The following ADAMTS14 variants were observed in gnomAD, a reference collection of about 807,000 sequenced individuals.
The protein encoded by ADAMTS14 is A disintegrin and metalloproteinase with thrombospondin motifs 14.
Under a neutral mutation model 128.6 loss-of-function variants are expected in ADAMTS14, and 100 were observed. The observed-to-expected ratio is 0.78, with a 90% CI of 0.66 to 0.92. The LOEUF (loss-of-function observed/expected upper bound fraction) is 0.92, where lower values mean the gene tolerates loss of function less well. Among genes scored for constraint, ADAMTS14 ranks in the 40% least tolerant of loss-of-function variants. The pLI, the probability that ADAMTS14 is intolerant of heterozygous loss-of-function variation, is 0.00. For missense variants in ADAMTS14, 1,562 were observed against 1,658.6 expected (o/e 0.94, Z 1.01); for synonymous variants, 665 against 653.8 (o/e 1.02, Z -0.26).
At chr10:70,744,868 A>G (rs1173157702) in intron 14 of ADAMTS14, among the ~76,000 whole-genome samples, 1 of 151,968 alleles carries the variant, frequency 6.6e-6, no homozygotes, top group Non-Finnish European at 1.5e-5. Flanking sequence ...AAATCCCATC[A>G]GTAGCAAGTA....
Position 70,719,367 on chromosome 10 carries a change from TACACACACACACACACACAC to T in ADAMTS14, c.871-9900_871-9881del, listed in dbSNP as rs61607600. 9.1e-5 allele frequency among the ~76,000 whole-genome samples: 13 copies of T among 142,220 alleles called. No homozygotes were observed. The East Asian group carries it at 1.5e-3, about 17-fold the overall frequency. 93.3% of individuals were successfully genotyped at this position (142,220 alleles called of 152,430 possible). A position where few individuals can be genotyped will look rare whatever the true frequency, so the allele number is the denominator to read the frequency against. On this transcript the variant is annotated intron_variant, in intron 4 of 21. Coordinates refer to ENST00000373207, the MANE Select transcript of ADAMTS14 (RefSeq NM_080722.4). ...CGTGGACAGCATCTCACTCCACAAA[TACACACACACACACACACAC>T]ACACACACACACACACACACACACA...
At chr10:70,743,502 TTC>T in intron 12 of ADAMTS14, 44 bp from the exon 13 acceptor site, 1 of 1,594,420 alleles carries the variant, frequency 6.3e-7, no homozygotes, top group African/African-American at 1.3e-5. Context: ...CTGGGCCACT[TTC>T]TCTGAGCCCA....
rs201630466 is a variant in ADAMTS14 at position 70,741,121 on chromosome 10, A to G, written c.1883A>G (p.Gln628Arg). ...AAGCGCAACTCCTACTATGTGCACCAGAATGCCAAGCACAGCTGGGTGCCC... is the reference window on the plus strand; with the variant it reads ...AAGCGCAACTCCTACTATGTGCACCGGAATGCCAAGCACAGCTGGGTGCCC... ...CAKRNSYYVH[Q>R]NAKHSWVPYE... is the part of the protein sequence containing the mutation. The change falls in exon 12 of 22, where the codon CAG becomes CGG. Residue 628 changes from glutamine (Q) to arginine (R), a missense_variant. Transcript: ENST00000373207. 6.2e-7 allele frequency: 1 copy of G among 1,613,796 alleles called. No homozygotes were observed. Among genetic ancestry groups the G allele is most frequent in the South Asian group, 1.1e-5 (1 of 91,080 alleles).
intron 2 of ADAMTS14, among the ~76,000 whole-genome samples, 170 bp downstream of exon 2, chr10:70,675,165 A>G (rs548297532): frequency 6.6e-6 from 1 of 152,182 alleles, no homozygotes; most frequent in African/African-American, 2.4e-5. Flanking sequence ...ATGCGCTGCC[A>G]GGTGTGAAGT....
At chr10:70,760,281 G>C in intron 21 of ADAMTS14, 79 bp from the exon 22 acceptor site, 1 of 1,494,756 alleles carries the variant, frequency 6.7e-7, no homozygotes, top group Non-Finnish European at 8.9e-7. Context: ...GCAGTCAGTG[G>C]GTAAGTGGGA....
chr10:70,704,912 G>A (rs941199880), intron 3 of ADAMTS14, among the ~76,000 whole-genome samples: 47 of 151,396 alleles, frequency 3.1e-4, no homozygotes, highest in African/African-American at 1.0e-3. Flanking sequence ...ATACCCACCC[G>A]CACTCACACA....
intron 2 of ADAMTS14, among the ~76,000 whole-genome samples, chr10:70,675,735 G>A (rs1453047404): frequency 6.6e-6 from 1 of 152,120 alleles, no homozygotes; most frequent in Admixed American, 6.5e-5. Flanking sequence ...TGTCTTTCTC[G>A]CCCCCACCTG....
intron 2 of ADAMTS14, among the ~76,000 whole-genome samples, chr10:70,687,259 G>A (rs1256036206): frequency 5.6e-5 from 6 of 107,404 alleles, no homozygotes; most frequent in Non-Finnish European, 1.0e-4. Context: ...CCTCCCTCCC[G>A]GACGAGGCGG....
chr10:70,743,535 C>G lies in ADAMTS14; in HGVS notation c.1925-13C>G, dbSNP rs1842069065. On this transcript the variant is annotated splice_polypyrimidine_tract_variant and intron_variant, in intron 12 of 21. Coordinates refer to ENST00000373207, the MANE Select transcript of ADAMTS14 (RefSeq NM_080722.4). ...GCCCAGCTGGGGACTCAGCATAGTCCCTCTCCCTACAGACGCCCAGAAGTG... is the reference window on the plus strand; with the variant it reads ...GCCCAGCTGGGGACTCAGCATAGTCGCTCTCCCTACAGACGCCCAGAAGTG... 1.9e-6 allele frequency: 3 copies of G among 1,610,632 alleles called. No homozygotes were observed. Among genetic ancestry groups the G allele is most frequent in the Non-Finnish European group, 2.5e-6 (3 of 1,178,990 alleles).
chr10:70,755,353 C>T (rs867169425), intron 19 of ADAMTS14, among the ~76,000 whole-genome samples: 46 of 151,576 alleles, frequency 3.0e-4, no homozygotes, highest in Non-Finnish European at 1.0e-4. Flanking sequence ...GCCAGACATC[C>T]AGACATGTAA....
chr10:70,715,951 G>A (rs563230515), intron 4 of ADAMTS14, among the ~76,000 whole-genome samples: 10 of 152,318 alleles, frequency 6.6e-5, no homozygotes, highest in South Asian at 2.1e-4. Flanking sequence ...GGACTTTACT[G>A]TTGGAGGAAG....
chr10:70,681,685 G>A (rs1376308407), intron 2 of ADAMTS14, among the ~76,000 whole-genome samples: 2 of 152,200 alleles, frequency 1.3e-5, no homozygotes, highest in Non-Finnish European at 2.9e-5. Flanking sequence ...TGGGCGCCCT[G>A]GGAAGCTGCG....
Position 70,706,897 on chromosome 10 carries a change from G to A in ADAMTS14, c.680-1691G>A, listed in dbSNP as rs189162717. ...CTCGGGTCTCTGCAGAGGTTCCCAT[G>A]GATGCATCCATGTGCATCACCCACG... On this transcript the variant is annotated intron_variant, in intron 3 of 21. Transcript: ENST00000373207. Among the ~76,000 whole-genome samples the A allele has an allele frequency of 1.1e-3, 163 of 152,340 alleles. 2 individuals are homozygous for A. The highest frequency in any genetic ancestry group is 3.8e-3 in the African/African-American group (157 of 41,578).
chr10:70,716,401 G>A (rs1841045164), intron 4 of ADAMTS14, among the ~76,000 whole-genome samples: 1 of 152,220 alleles, frequency 6.6e-6, no homozygotes, highest in South Asian at 2.1e-4. Context: ...CCATGACCTT[G>A]CAGACCTGCT....
intron 5 of ADAMTS14, among the ~76,000 whole-genome samples, 153 bp from the exon 6 acceptor site, chr10:70,729,949 C>A (rs1362451359): frequency 6.6e-6 from 1 of 152,214 alleles, no homozygotes; most frequent in Admixed American, 6.5e-5. Flanking sequence ...TGTGTGCCAG[C>A]AGCAGTTGAG....
intron 4 of ADAMTS14, among the ~76,000 whole-genome samples, chr10:70,726,196 C>T (rs1402101080): frequency 1.3e-5 from 2 of 152,238 alleles, no homozygotes; most frequent in African/African-American, 2.4e-5. Flanking sequence ...CCTGCTCAGA[C>T]AGGCAGCAGC....
chr10:70,708,811 AGTGGG>A, intron 4 of ADAMTS14, 33 bp downstream of exon 4: 29 of 419,134 alleles, frequency 6.9e-5, no homozygotes, highest in East Asian at 2.1e-4. Context: ...ACTTGGGGGG[AGTGGG>A]GTGGGGTGGG....
rs137998608 is a variant in ADAMTS14 at position 70,736,762 on chromosome 10, C to G, written c.1568C>G (p.Pro523Arg). ...TTCTGCAAGACCAAGAAGGGGCCCC[C>G]GCTGGATGGGACTGAGTGTGCACCC... ...PYFCKTKKGP[P>R]LDGTECAPGK... The change falls in exon 10 of 22, where the codon CCG becomes CGG. Residue 523 changes from proline to arginine, a missense_variant. Pro to Arg is a moderately radical substitution (Grantham distance 103). Coordinates refer to ENST00000373207, the MANE Select transcript of ADAMTS14 (RefSeq NM_080722.4). 2 of 1,613,786 alleles carry G rather than the reference C, an allele frequency of 1.2e-6. No individual in the cohort carries two copies. The highest frequency in any genetic ancestry group is 1.7e-5 in the Admixed American group (1 of 59,994).
chr10:70,701,169 G>A (rs1004775835), intron 2 of ADAMTS14, among the ~76,000 whole-genome samples: 7 of 152,380 alleles, frequency 4.6e-5, no homozygotes, highest in Non-Finnish European at 1.0e-4. Flanking sequence ...TGGGTGTTCA[G>A]TCGGACTTGG....
Sources: gnomAD v4.1 joint callset for allele counts (sites outside exome capture counted in the v4.1 genomes callset) on GRCh38, gnomAD v4.1.1 for gene constraint, MANE v1.5 for transcripts, NCBI Gene and HGNC (gene_info 2026-07-23, HGNC 2026-07-21) for gene names.